Variants in LRCH1 observed in about 807,000 individuals in gnomAD.
LRCH1 encodes leucine-rich repeat and calponin homology domain-containing protein 1.
A neutral mutation model predicts 94.9 loss-of-function variants in LRCH1; 23 were observed. That is an observed-to-expected ratio of 0.24 (90% CI 0.17 to 0.34). The LOEUF is 0.34. Ranked by LOEUF, LRCH1 falls within the 10% of genes least tolerant of loss-of-function variation. The probability of loss-of-function intolerance (pLI) is 1.00; values close to 1 mark genes in which losing one functional copy is unlikely to be tolerated. For missense variants in LRCH1, 790 were observed against 945.9 expected, an observed-to-expected ratio of 0.84 and a Z score of 2.16; for synonymous variants, 364 against 354.9, an observed-to-expected ratio of 1.03 and a Z score of -0.29.
intron 1 of LRCH1, among the ~76,000 whole-genome samples, chr13:46,567,286 G>T (rs545350061): frequency 6.6e-6 from 1 of 152,200 alleles, no homozygotes; most frequent in Admixed American, 6.5e-5. Flanking sequence ...TTGTAATAGA[G>T]ATCTTTCTAT....
At chr13:46,656,362 T>C (rs912204553) in intron 2 of LRCH1, among the ~76,000 whole-genome samples, 1 of 152,204 alleles carries the variant, frequency 6.6e-6, no homozygotes, top group Non-Finnish European at 1.5e-5. Context: ...GAATTGATGA[T>C]GTCTTCCTAA....
chr13:46,722,629 C>T (rs1311281784), intron 16 of LRCH1, among the ~76,000 whole-genome samples: 1 of 152,184 alleles, frequency 6.6e-6, no homozygotes, highest in African/African-American at 2.4e-5. Context: ...CCAATCTTGC[C>T]AGCCTTCCTA....
chr13:46,667,461 G>A (rs1034774028), intron 2 of LRCH1, among the ~76,000 whole-genome samples: 9 of 149,570 alleles, frequency 6.0e-5, no homozygotes, highest in Admixed American at 4.0e-4. Context: ...TCACTCATAG[G>A]TGGGAATTGA....
chr13:46,610,689 T>C (rs935047721), intron 1 of LRCH1, among the ~76,000 whole-genome samples: 5 of 152,230 alleles, frequency 3.3e-5, no homozygotes, highest in Admixed American at 6.5e-5. Context: ...TTCCATTATC[T>C]ATCTCTGTAT....
intron 1 of LRCH1, among the ~76,000 whole-genome samples, chr13:46,616,709 G>A (rs2050813065): frequency 6.6e-6 from 1 of 152,212 alleles, no homozygotes; most frequent in African/African-American, 2.4e-5. Context: ...CAAATTTCAT[G>A]CGCGTTCGTG....
At chr13:46,685,835 T>C (rs1259797336) in intron 4 of LRCH1, 70 bp from the exon 5 acceptor site, 19 of 1,115,650 alleles carry the variant, frequency 1.7e-5, no homozygotes, top group Non-Finnish European at 2.3e-5. Flanking sequence ...AATTTTTGAA[T>C]GATTAGCCAT....
Position 46,744,010 on chromosome 13 carries a change from G to T in LRCH1, c.*2162G>T, listed in dbSNP as rs1247504081. On this transcript the variant is annotated 3_prime_UTR_variant, in exon 20 of 20. Coordinates refer to ENST00000389797, the MANE Select transcript of LRCH1 (RefSeq NM_001164211.2). ...ATGATGTTTTTTCATTAGTAGTATG[G>T]TAACTAGCAGAACACAATTAATTTA... The T allele has an allele frequency of 1.0e-6, 1 of 985,176 alleles. No homozygotes were observed. The highest frequency in any genetic ancestry group is 6.1e-5 in the Admixed American group (1 of 16,262). 61.0% of individuals were successfully genotyped at this position (985,176 alleles called of 1,614,324 possible).
intron 1 of LRCH1, among the ~76,000 whole-genome samples, chr13:46,628,298 G>A (rs1347564836): frequency 6.6e-6 from 1 of 152,072 alleles, no homozygotes; most frequent in Non-Finnish European, 1.5e-5. Flanking sequence ...ACACCAAGAC[G>A]TTTGCATGAG....
At chr13:46,712,882 T>C (rs1872142842) in intron 15 of LRCH1, among the ~76,000 whole-genome samples, 1 of 152,318 alleles carries the variant, frequency 6.6e-6, no homozygotes, top group Middle Eastern at 3.4e-3. Context: ...GATTTTTTTT[T>C]ACCTAAGGAA....
At chr13:46,591,034 T>C (rs570208955) in intron 1 of LRCH1, among the ~76,000 whole-genome samples, 290 of 152,154 alleles carry the variant, frequency 1.9e-3, no homozygotes, top group African/African-American at 6.7e-3. Context: ...ATAGGGACTC[T>C]CCTTCATTTT....
chr13:46,620,065 T>G (rs2050863275), intron 1 of LRCH1, among the ~76,000 whole-genome samples: 1 of 152,238 alleles, frequency 6.6e-6, no homozygotes, highest in African/African-American at 2.4e-5. Flanking sequence ...TGTTAAAATA[T>G]TTGGACTCAG....
chr13:46,735,860 G>A (rs180997808), intron 19 of LRCH1, among the ~76,000 whole-genome samples: 207 of 138,008 alleles, frequency 1.5e-3, no homozygotes, highest in Non-Finnish European at 2.5e-3. Flanking sequence ...GCAGTGGCAC[G>A]ATCTCAGCTC....
chr13:46,735,119 AT>A (rs1294825179), intron 19 of LRCH1, among the ~76,000 whole-genome samples: 2 of 150,462 alleles, frequency 1.3e-5, no homozygotes, highest in Non-Finnish European at 3.0e-5. Flanking sequence ...AGCTATATCA[AT>A]ACAAGGAAGC....
chr13:46,648,584 G>T (rs893825004), intron 1 of LRCH1, among the ~76,000 whole-genome samples: 6 of 152,138 alleles, frequency 3.9e-5, no homozygotes, highest in African/African-American at 1.4e-4. Flanking sequence ...GAATCAACTT[G>T]TGCAATAACC....
downstream of LRCH1, among the ~76,000 whole-genome samples, chr13:46,745,276 A>G (rs1245366389): frequency 6.6e-6 from 1 of 151,788 alleles, no homozygotes; most frequent in Non-Finnish European, 1.5e-5. Flanking sequence ...TGCGGGCTGG[A>G]TTAGCCTGTA....
intron 18 of LRCH1, among the ~76,000 whole-genome samples, chr13:46,729,610 TGCTAACTTTAA>T (rs1360298262): frequency 6.6e-6 from 1 of 151,308 alleles, no homozygotes; most frequent in Non-Finnish European, 1.5e-5. Flanking sequence ...ATGATCAAGG[TGCTAACTTTAA>T]GACTATAGGA....
chr13:46,737,665 T>C (rs1458692352), intron 19 of LRCH1, among the ~76,000 whole-genome samples: 1 of 152,200 alleles, frequency 6.6e-6, no homozygotes, highest in African/African-American at 2.4e-5. Context: ...CTGCGTCACC[T>C]AAGAATCTGA....
intron 11 of LRCH1, among the ~76,000 whole-genome samples, chr13:46,702,324 A>C (rs1048960387): frequency 6.6e-6 from 1 of 152,126 alleles, no homozygotes; most frequent in African/African-American, 2.4e-5. Context: ...CAACATGGTG[A>C]AACCCTGTCT....
intron 1 of LRCH1, among the ~76,000 whole-genome samples, chr13:46,633,622 C>T (rs991631902): frequency 3.3e-5 from 5 of 152,146 alleles, no homozygotes; most frequent in Admixed American, 6.5e-5. Context: ...CTGGAGGGTT[C>T]TTTTCCTAGC....
Sources: gnomAD v4.1 joint callset for allele counts (sites outside exome capture counted in the v4.1 genomes callset) on GRCh38, gnomAD v4.1.1 for gene constraint, MANE v1.5 for transcripts, NCBI Gene and HGNC (gene_info 2026-07-23, HGNC 2026-07-21) for gene names.